The following DZANK1 variants were observed in gnomAD, a reference collection of about 807,000 sequenced individuals.
The protein encoded by DZANK1 is double zinc ribbon and ankyrin repeat-containing protein 1.
Under a neutral mutation model 94.5 loss-of-function variants are expected in DZANK1, and 91 were observed. The observed-to-expected ratio is 0.96, with a 90% CI of 0.81 to 1.15. DZANK1 has a LOEUF of 1.15. Among genes scored for constraint, DZANK1 ranks in the 50% most tolerant of loss-of-function variants. The probability of loss-of-function intolerance (pLI) is 0.00; values close to 1 mark genes in which losing one functional copy is unlikely to be tolerated. For missense variants in DZANK1, 903 were observed against 916.4 expected, an observed-to-expected ratio of 0.99 and a Z score of 0.19; for synonymous variants, 312 against 325.3, an observed-to-expected ratio of 0.96 and a Z score of 0.44.
chr20:18,426,900 A>G (rs2058067708), intron 10 of DZANK1, among the ~76,000 whole-genome samples, 167 bp downstream of exon 10: 3 of 152,192 alleles, frequency 2.0e-5, no homozygotes, highest in Admixed American at 2.0e-4. Flanking sequence ...AACAATTTGT[A>G]TTGATATAAA....
At chr20:18,448,924 C>A in intron 7 of DZANK1, 60 bp downstream of exon 7, 32 of 1,153,298 alleles carry the variant, frequency 2.8e-5, no homozygotes, top group Non-Finnish European at 3.7e-5. Flanking sequence ...TTTAAATTCT[C>A]TTTGACCATG....
exon 21 of DZANK1, chr20:18,383,917 C>G (rs1215922198): frequency 6.5e-6 from 1 of 153,124 alleles, no homozygotes; most frequent in Non-Finnish European, 1.5e-5. Flanking sequence ...CCACAGTATA[C>G]TGGGAGCTGT....
chr20:18,434,303 G>C (rs905107926), intron 8 of DZANK1, among the ~76,000 whole-genome samples: 1 of 152,004 alleles, frequency 6.6e-6, no homozygotes, highest in Non-Finnish European at 1.5e-5. Flanking sequence ...CCAACACTTT[G>C]GGAGGCCGAG....
intron 19 of DZANK1, among the ~76,000 whole-genome samples, chr20:18,389,271 T>C (rs1255116292): frequency 1.3e-5 from 2 of 152,122 alleles, no homozygotes; most frequent in African/African-American, 4.8e-5. Flanking sequence ...TCTGCAGTGG[T>C]GTGAGATCTG....
At chr20:18,457,344 G>A (rs1216036713) in intron 3 of DZANK1, among the ~76,000 whole-genome samples, 2 of 152,060 alleles carry the variant, frequency 1.3e-5, no homozygotes, top group Non-Finnish European at 2.9e-5. Context: ...GGTTGTGGTG[G>A]TGCACACCTG....
chr20:18,410,996 C>T (rs568501181), intron 13 of DZANK1, among the ~76,000 whole-genome samples: 35 of 152,198 alleles, frequency 2.3e-4, no homozygotes, highest in Admixed American at 4.6e-4. Context: ...ACTTATGGGA[C>T]GCAGTGAAAG....
At chr20:18,399,079 T>C (rs2056523435) in intron 13 of DZANK1, among the ~76,000 whole-genome samples, 2 of 150,582 alleles carry the variant, frequency 1.3e-5, no homozygotes. Context: ...TGAGCTGAGA[T>C]TGCACCACTG....
chr20:18,388,114 T>C lies in DZANK1; in HGVS notation c.2018+1587A>G, dbSNP rs1014617874. Among the ~76,000 whole-genome samples, 18 of 152,280 alleles carry C rather than the reference T, an allele frequency of 1.2e-4. No individual in the cohort carries two copies. In the East Asian group the frequency reaches 3.5e-3, roughly 29 times the overall value. On this transcript the variant is annotated intron_variant, in intron 19 of 20. Transcript: ENST00000262547. ...GTGGCTCTCAGTGGGAAATGCTACTTTCCTCTACTGGCATGCACTGGAAAG... is the reference window on the plus strand; with the variant it reads ...GTGGCTCTCAGTGGGAAATGCTACTCTCCTCTACTGGCATGCACTGGAAAG...
At chr20:18,386,544 A>G (rs2048504584) in intron 19 of DZANK1, among the ~76,000 whole-genome samples, 1 of 152,248 alleles carries the variant, frequency 6.6e-6, no homozygotes, top group Non-Finnish European at 1.5e-5. Context: ...AGCTCCTAGA[A>G]AGAATAACGA....
intron 7 of DZANK1, 41 bp from the exon 8 acceptor site, chr20:18,443,505 G>A (rs2058778141): frequency 8.6e-7 from 1 of 1,156,610 alleles, no homozygotes; most frequent in Non-Finnish European, 1.2e-6. Context: ...GTTCTGGTGG[G>A]CCCACATTAA....
rs188662924 is a variant in DZANK1 at position 18,386,967 on chromosome 20, G to A, written c.2019-1877C>T. On this transcript the variant is annotated intron_variant, in intron 19 of 20. Transcript: ENST00000262547. ...TGTATTAGTCCATTTTCACACTGCT[G>A]ATAAAGACATACCCAAGATTGGGCA... Among the ~76,000 whole-genome samples, 392 of 152,292 alleles carry A rather than the reference G, an allele frequency of 2.6e-3. 5 individuals carry two copies. Among genetic ancestry groups the A allele is most frequent in the Admixed American group, 0.021 (325 of 15,290 alleles).
rs550909181 is a variant in DZANK1, at chr20:18,392,445, G to A, written c.1809+1266C>T. On this transcript the variant is annotated intron_variant, in intron 17 of 20. Transcript: ENST00000262547. ...TGGGCAGCTAGTGCACTGACAAGGC[G>A]GCGTTGAGGGCCTGGCCTTGGAACC... Among the ~76,000 whole-genome samples the A allele has an allele frequency of 1.4e-4, 21 of 152,338 alleles. No individual in the cohort carries two copies. In the East Asian group the frequency reaches 2.5e-3, roughly 18 times the overall value.
intron 8 of DZANK1, among the ~76,000 whole-genome samples, chr20:18,436,579 AAGCAGAAC>A (rs1252143195): frequency 2.0e-5 from 3 of 152,206 alleles, no homozygotes; most frequent in African/African-American, 4.8e-5. Context: ...TGAAGAAAAT[AAGCAGAAC>A]ATCAAAAACG....
intron 13 of DZANK1, among the ~76,000 whole-genome samples, chr20:18,409,580 A>ACACACACACAC (rs1416918028): frequency 2.2e-5 from 3 of 138,356 alleles, no homozygotes; most frequent in African/African-American, 7.8e-5. Context: ...ACACACACAC[A>ACACACACACAC]CACCACCACC....
At chr20:18,454,012 C>G in intron 4 of DZANK1, 185 bp from the exon 5 acceptor site, 1 of 699,940 alleles carries the variant, frequency 1.4e-6, no homozygotes, top group Non-Finnish European at 2.7e-6. Flanking sequence ...CTGGGCTGCT[C>G]AGCTGGCAGC....
chr20:18,418,871 G>A (rs376956066), intron 10 of DZANK1, among the ~76,000 whole-genome samples: 9 of 152,154 alleles, frequency 5.9e-5, no homozygotes, highest in South Asian at 2.1e-4. Context: ...TTTACTAGAC[G>A]GACTGAATAG....
chr20:18,432,817 G>A (rs541105816), intron 9 of DZANK1: 1 of 152,156 alleles, frequency 6.6e-6, no homozygotes, highest in South Asian at 2.1e-4. Context: ...GTAAATTGAA[G>A]AATGGAGAAA....
intron 6 of DZANK1, among the ~76,000 whole-genome samples, chr20:18,451,603 A>G (rs1402646490): frequency 6.6e-6 from 1 of 152,076 alleles, no homozygotes; most frequent in East Asian, 1.9e-4. Flanking sequence ...CCTCTCCCAT[A>G]TGTGAACTTG....
intron 12 of DZANK1, chr20:18,413,118 A>G (rs1055950579): frequency 1.9e-6 from 1 of 527,446 alleles, no homozygotes; most frequent in Non-Finnish European, 3.4e-6. Context: ...CCTGGAAGAT[A>G]TCTATCCTTT....
Sources: gnomAD v4.1 joint callset for allele counts (sites outside exome capture counted in the v4.1 genomes callset) on GRCh38, gnomAD v4.1.1 for gene constraint, MANE v1.5 for transcripts, NCBI Gene and HGNC (gene_info 2026-07-23, HGNC 2026-07-21) for gene names.